ALS2CL: variants seen among roughly 807,000 people sequenced by gnomAD.
ALS2CL encodes the protein ALS2 C-terminal-like protein.
Under a neutral mutation model 127.9 loss-of-function variants are expected in ALS2CL, and 112 were observed. The observed-to-expected ratio is 0.88, with a 90% confidence interval of 0.75 to 1.02. ALS2CL has a LOEUF of 1.02. ALS2CL is among the 50% of genes least tolerant of loss of function. The pLI is 0.00. For synonymous variants in ALS2CL, 519 were observed against 527.6 expected (o/e 0.98, Z 0.22); for missense variants, 1,174 against 1,236.7 (o/e 0.95, Z 0.76).
rs117431144 is a variant in ALS2CL, at chr3:46,681,360, C to T, written c.1322G>A (p.Arg441Gln). The T allele has an allele frequency of 3.3e-5, 53 of 1,609,154 alleles. No homozygotes were observed. The East Asian group carries it at 4.3e-4, about 13-fold the overall frequency. ...VYKGYFQEGL[R>Q]HGFGVLESGP... ...ACTCTCAAGGACCCCAAATCCGTGC[C>T]GCAGGCCCTCCTGGAAGTAGCCCTT... The change falls in exon 13 of 26, where the codon CGG (arginine) becomes CAG (glutamine). Residue 441 changes from arginine to glutamine, a missense_variant. Transcript: ENST00000318962. This position sits in a 1 kb window ranked among gnomAD's most constrained non-coding sequence, Gnocchi z 4.9.
chr3:46,675,912 G>T (rs1349383301), intron 19 of ALS2CL: 78 of 1,430,416 alleles, frequency 5.5e-5, no homozygotes, highest in Non-Finnish European at 7.0e-5. Flanking sequence ...TATTTGCAGT[G>T]TTTCATGGGG....
intron 1 of ALS2CL, among the ~76,000 whole-genome samples, chr3:46,691,906 C>A (rs1419828011): frequency 6.6e-6 from 1 of 151,978 alleles, no homozygotes; most frequent in African/African-American, 2.4e-5. Context: ...CTCAAAAGGA[C>A]AAACAGGTGG....
chr3:46,678,135 C>T (rs760300164), intron 16 of ALS2CL, 124 bp downstream of exon 16: 22 of 1,123,458 alleles, frequency 2.0e-5, no homozygotes, highest in Admixed American at 3.9e-5. Flanking sequence ...CCTGGGCTCT[C>T]GGAACTCTCT....
chr3:46,683,676 C>T (rs564372599), intron 9 of ALS2CL, 106 bp downstream of exon 9: 2 of 1,382,608 alleles, frequency 1.4e-6, no homozygotes, highest in East Asian at 2.3e-5. Flanking sequence ...GCCTGCCAGA[C>T]ACTCGCCGGC....
chr3:46,673,405 G>C, intron 21 of ALS2CL, 24 bp from the exon 22 acceptor site: 1 of 1,556,370 alleles, frequency 6.4e-7, no homozygotes. Context: ...AGTGAGACAG[G>C]AGGCTCTGCC....
At position 46,674,546 on chromosome 3, in the gene ALS2CL, C is replaced by T. The variant is rs143119762; in HGVS notation, c.2429+20G>A. On this transcript the variant is annotated intron_variant, in intron 21 of 25. Coordinates refer to ENST00000318962, the MANE Select transcript of ALS2CL (RefSeq NM_147129.5). ...AGTTTGAGTCCTGGCTAACACGGCA[C>T]GGGGGAAGGGAAGGCTTACTTCTGC... 77 of 1,602,320 alleles carry T rather than the reference C, an allele frequency of 4.8e-5. No individual in the cohort carries two copies. In the East Asian group the frequency reaches 1.4e-3, roughly 30 times the overall value.
intron 21 of ALS2CL, 43 bp from the exon 22 acceptor site, chr3:46,673,424 G>C (rs1698568748): frequency 2.6e-6 from 4 of 1,544,514 alleles, no homozygotes; most frequent in African/African-American, 1.4e-5. Context: ...CCTCGACAAG[G>C]GGCAGAGTCT....
At position 46,683,282 on chromosome 3, in the gene ALS2CL, C is replaced by T. The variant is rs138226157; in HGVS notation, c.957G>A (p.Leu319=). 2.0e-3 allele frequency: 3,258 copies of T among 1,604,272 alleles called. 3 individuals carry two copies. The highest frequency in any genetic ancestry group is 2.4e-3 in the Non-Finnish European group (2,835 of 1,175,316). Reference sequence around the variant, plus strand: ...GCACGGGGAAGTCCTTCTTCCCATGCAGGGCCTGGTGAACAGCCCAGGTCA... The same window carrying T: ...GCACGGGGAAGTCCTTCTTCCCATGTAGGGCCTGGTGAACAGCCCAGGTCA... ...WKVTWAVHQA[L]HGKKDFPVLG... Residue 319 remains leucine (L), a synonymous_variant, in exon 10 of 26, where the codon CTG becomes CTA. Coordinates refer to ENST00000318962, the MANE Select transcript of ALS2CL (RefSeq NM_147129.5).
chr3:46,676,375 C>T lies in ALS2CL; in HGVS notation c.2056G>A (p.Gly686Arg), dbSNP rs367636680. 6.2e-6 allele frequency: 10 copies of T among 1,613,810 alleles called. No homozygotes were observed. Among genetic ancestry groups the T allele is most frequent in the Middle Eastern group, 1.6e-4 (1 of 6,080 alleles). ...AGCATCAGTGTCCGGAGCAGCTTTC[C>T]CAGGGGGTGCAGTGAGTTGCTCAGA... ...KALSNSLHPL[G>R]KLLRTLMLTF... Residue 686 changes from glycine (G) to arginine (R), a missense_variant, in exon 19 of 26, where the codon GGA becomes AGA. Coordinates refer to ENST00000318962, the MANE Select transcript of ALS2CL (RefSeq NM_147129.5).
rs1699368892 is a variant in ALS2CL, at chr3:46,681,762, G to A, written c.1176-164C>T. Among the ~76,000 whole-genome samples, 1 of 152,036 alleles carries A rather than the reference G, an allele frequency of 6.6e-6. No homozygotes were observed. Among genetic ancestry groups the A allele is most frequent in the African/African-American group, 2.4e-5 (1 of 41,386 alleles). ...CTATCCTTCAAAGGGCCCCTCTCAG[G>A]ACCCCTCCCTCCAGCCTGGTCCCGA... On this transcript the variant is annotated intron_variant, in intron 11 of 25. Coordinates refer to ENST00000318962, the MANE Select transcript of ALS2CL (RefSeq NM_147129.5). The surrounding 1 kb of genome is among the most constrained non-coding windows in gnomAD (Gnocchi z 4.9).
At chr3:46,689,000 C>T (rs1057290769) in intron 2 of ALS2CL, among the ~76,000 whole-genome samples, 1 of 152,144 alleles carries the variant, frequency 6.6e-6, no homozygotes, top group Non-Finnish European at 1.5e-5. Context: ...GAGGCTGAGG[C>T]GGGCAGATCA....
chr3:46,678,593 C>T (rs1195845023), intron 15 of ALS2CL, among the ~76,000 whole-genome samples: 2 of 152,204 alleles, frequency 1.3e-5, no homozygotes, highest in Non-Finnish European at 2.9e-5. Context: ...GCTGTGCCCA[C>T]GTCTCAGGGG....
chr3:46,678,756 A>G (rs1375729161), intron 15 of ALS2CL, among the ~76,000 whole-genome samples: 1 of 152,212 alleles, frequency 6.6e-6, no homozygotes, highest in Non-Finnish European at 1.5e-5. Context: ...AGGCTGTCCC[A>G]TTCATAGCAA....
chr3:46,685,540 G>C lies in ALS2CL; in HGVS notation c.771C>G (p.Ala257=), dbSNP rs922729421. The C allele has an allele frequency of 6.2e-7, 1 of 1,613,800 alleles. No individual in the cohort carries two copies. The highest frequency in any genetic ancestry group is 8.5e-7 in the Non-Finnish European group (1 of 1,179,866). ...CCACCCCAACCTGCAGCAGGACGAG[G>C]GCATCATCAAAGAGCAGCACACGCT... ...RAERVLLFDD[A]LVLLQGHNVH... is the part of the protein sequence containing the mutation. Residue 257 remains alanine, a synonymous_variant, in exon 7 of 26, where the codon GCC becomes GCG. Coordinates refer to ENST00000318962, the MANE Select transcript of ALS2CL (RefSeq NM_147129.5).
rs532242353 is a variant in ALS2CL at position 46,681,888 on chromosome 3, G to A, written c.1175+141C>T. 125 of 1,101,162 alleles carry A rather than the reference G, an allele frequency of 1.1e-4. No homozygotes were observed. The highest frequency in any genetic ancestry group is 2.7e-4 in the Middle Eastern group (1 of 3,672). The allele number at this position is 1,101,162 out of a possible 1,614,324, so 68.2% of individuals were successfully genotyped here. A position where few individuals can be genotyped will look rare whatever the true frequency, so the allele number is the denominator to read the frequency against. On this transcript the variant is annotated intron_variant, in intron 11 of 25. Transcript: ENST00000318962. The surrounding 1 kb of genome is among the most constrained non-coding windows in gnomAD (Gnocchi z 4.9). ...CCGGTTCCCCTTTGGTACAGTGGGC[G>A]GGGGCTGGACCGGATTGTCTCTAAG...
In ALS2CL at chr3:46,676,313, G is replaced by T. The variant is rs986502951; in HGVS notation, c.2118C>A (p.Asn706Lys). ...FQATYAGVGA[N>K]KHLQELAQEE... ...CCTGGGCCAGCTCCTGCAGGTGCTTGTTGGCCCCGACACCTGCGTAGGTAG... is the reference window on the plus strand; with the variant it reads ...CCTGGGCCAGCTCCTGCAGGTGCTTTTTGGCCCCGACACCTGCGTAGGTAG... Residue 706 changes from asparagine (N) to lysine (K), a missense_variant, in exon 19 of 26, where the codon AAC (asparagine) becomes AAA (lysine). Physicochemically the swap from Asn to Lys is moderately conservative, Grantham distance 94. Transcript: ENST00000318962. The T allele has an allele frequency of 6.8e-6, 11 of 1,613,854 alleles. No homozygotes were observed. Among genetic ancestry groups the T allele is most frequent in the Non-Finnish European group, 7.6e-6 (9 of 1,179,984 alleles).
At position 46,683,331 on chromosome 3, in the gene ALS2CL, T is replaced by C. The variant is rs751855932; in HGVS notation, c.913-5A>G. The C allele has an allele frequency of 1.3e-6, 2 of 1,576,550 alleles. No homozygotes were observed. Among genetic ancestry groups the C allele is most frequent in the Non-Finnish European group, 1.7e-6 (2 of 1,160,428 alleles). Reference sequence around the variant, plus strand: ...CACCTTCCACTGCCAGACTGCCTGGTGGGAGGGGGAACATGGGGAAGGGGA... The same window carrying C: ...CACCTTCCACTGCCAGACTGCCTGGCGGGAGGGGGAACATGGGGAAGGGGA... On this transcript the variant is annotated splice_region_variant and splice_polypyrimidine_tract_variant and intron_variant, in intron 9 of 25. Transcript: ENST00000318962.
intron 16 of ALS2CL, 36 bp from the exon 17 acceptor site, chr3:46,677,058 G>A (rs1295091940): frequency 2.6e-6 from 4 of 1,566,550 alleles, no homozygotes; most frequent in Admixed American, 3.5e-5. Context: ...ATGGGGCAGA[G>A]AGAGATGGAG....
At chr3:46,673,222 C>T (rs1698546668) in intron 22 of ALS2CL, 117 bp downstream of exon 22, 1 of 717,046 alleles carries the variant, frequency 1.4e-6, no homozygotes, top group Non-Finnish European at 2.1e-6. Flanking sequence ...TCCCAACCCA[C>T]CCTGCCCCTC....
Sources: allele counts gnomAD v4.1 joint callset (sites outside exome capture counted in the v4.1 genomes callset), GRCh38; gene constraint gnomAD v4.1.1; non-coding constraint Gnocchi (gnomAD v3.1); transcripts MANE v1.5; gene names NCBI Gene and HGNC (gene_info 2026-07-23, HGNC 2026-07-21).